CCDC81: variants seen among roughly 807,000 people sequenced by gnomAD.
CCDC81 encodes coiled-coil domain-containing protein 81.
Under a neutral mutation model 83.7 loss-of-function variants are expected in CCDC81, and 79 were observed. The ratio of observed to expected loss-of-function variants is 0.94; its 90% CI spans 0.79 to 1.14. The LOEUF is 1.14. Ranked by LOEUF, CCDC81 falls within the 50% of genes most tolerant of loss-of-function variation. The pLI, the probability that CCDC81 is intolerant of heterozygous loss-of-function variation, is 0.00. For missense variants in CCDC81, 791 were observed against 778.1 expected, an observed-to-expected ratio of 1.02 and a Z score of -0.20; for synonymous variants, 252 against 278.1, an observed-to-expected ratio of 0.91 and a Z score of 0.93.
intron 1 of CCDC81, among the ~76,000 whole-genome samples, chr11:86,384,509 A>T (rs917584375): frequency 5.3e-5 from 8 of 152,190 alleles, no homozygotes; most frequent in African/African-American, 1.9e-4. Context: ...GCTACTTCTC[A>T]TCCACCAAAC....
chr11:86,393,846 A>G (rs1329957174), intron 4 of CCDC81, among the ~76,000 whole-genome samples: 1 of 152,236 alleles, frequency 6.6e-6, no homozygotes, highest in African/African-American at 2.4e-5. Flanking sequence ...GACATGAATG[A>G]ATTGAATTAT....
intron 13 of CCDC81, among the ~76,000 whole-genome samples, chr11:86,416,861 C>A (rs1407065911): frequency 6.6e-6 from 1 of 152,154 alleles, no homozygotes; most frequent in African/African-American, 2.4e-5. Context: ...TCAGGGTGAT[C>A]CAGACAGGAC....
chr11:86,416,782 C>G (rs1948725455), intron 13 of CCDC81, among the ~76,000 whole-genome samples: 1 of 152,190 alleles, frequency 6.6e-6, no homozygotes, highest in African/African-American at 2.4e-5. Context: ...TCTGGTTCAT[C>G]TTAACATGTG....
intron 5 of CCDC81, among the ~76,000 whole-genome samples, chr11:86,396,078 T>A (rs1481431775): frequency 6.6e-6 from 1 of 152,202 alleles, no homozygotes; most frequent in Non-Finnish European, 1.5e-5. Context: ...GCTTCTTCCT[T>A]CAGTTCAGCC....
chr11:86,392,757 C>T lies in CCDC81; in HGVS notation c.515C>T (p.Thr172Ile), dbSNP rs1948351162. ...KMRFYKDFLCTMDGSGALAKA... is the reference protein window; with the variant it reads ...KMRFYKDFLCIMDGSGALAKA... The stretch of plus-strand genomic sequence containing the variant: ...AGGTTTTATAAAGACTTCCTTTGTA[C>T]CATGGATGGAAGTGGGGCTTTGGCA... Residue 172 changes from threonine (T) to isoleucine (I), a missense_variant, in exon 4 of 15, where the codon ACC (threonine) becomes ATC (isoleucine). Transcript: ENST00000445632. The T allele has an allele frequency of 1.9e-6, 3 of 1,551,548 alleles. No individual in the cohort carries two copies. Among genetic ancestry groups the T allele is most frequent in the Admixed American group, 2.0e-5 (1 of 50,994 alleles).
chr11:86,412,834 G>A lies in CCDC81; in HGVS notation c.1391+275G>A, dbSNP rs889967440. Among the ~76,000 whole-genome samples the A allele has an allele frequency of 3.0e-4, 45 of 152,278 alleles. 1 individual carries two copies. Among genetic ancestry groups the A allele is most frequent in the African/African-American group, 9.6e-4 (40 of 41,544 alleles). On this transcript the variant is annotated intron_variant, in intron 11 of 14. Coordinates refer to ENST00000445632, the MANE Select transcript of CCDC81 (RefSeq NM_001156474.2). ...GCAGGCTGTGGGGCTCTGGCCACACGGCAGTATCTAGGGGTGAATGTTTAC... is the reference window on the plus strand; with the variant it reads ...GCAGGCTGTGGGGCTCTGGCCACACAGCAGTATCTAGGGGTGAATGTTTAC...
chr11:86,402,143 A>AAAAG (rs1464393004), intron 7 of CCDC81, among the ~76,000 whole-genome samples: 1 of 151,246 alleles, frequency 6.6e-6, no homozygotes, highest in Non-Finnish European at 1.5e-5. Flanking sequence ...TCAAAAAAAA[A>AAAAG]AAAAAAAAAA....
intron 5 of CCDC81, 64 bp from the exon 6 acceptor site, chr11:86,397,557 G>T: frequency 6.5e-7 from 1 of 1,534,312 alleles, no homozygotes; most frequent in Non-Finnish European, 8.7e-7. Context: ...TCCAAAACTT[G>T]AGAGTTCACA....
chr11:86,380,988 A>AT (rs1342712755), intron 1 of CCDC81, among the ~76,000 whole-genome samples: 1 of 147,666 alleles, frequency 6.8e-6, no homozygotes, highest in Admixed American at 6.9e-5. Flanking sequence ...ATGCCTTGTA[A>AT]TTTTTTCTTG....
intron 5 of CCDC81, 75 bp from the exon 6 acceptor site, chr11:86,397,546 T>A: frequency 1.3e-6 from 2 of 1,524,444 alleles, no homozygotes; most frequent in Non-Finnish European, 1.8e-6. Context: ...GCTGGGTTGC[T>A]TCCAAAACTT....
At chr11:86,411,960 A>G (rs919878803) in intron 10 of CCDC81, among the ~76,000 whole-genome samples, 30 of 152,294 alleles carry the variant, frequency 2.0e-4, no homozygotes, top group Non-Finnish European at 2.8e-4. Context: ...ATTGACCATG[A>G]TTGCTTCCTT....
Position 86,422,812 on chromosome 11 carries a change from AAAT to A in CCDC81, c.*98_*100del. 1.6e-6 allele frequency: 2 copies of A among 1,253,600 alleles called. No individual in the cohort carries two copies. Among genetic ancestry groups the A allele is most frequent in the Non-Finnish European group, 2.2e-6 (2 of 900,774 alleles). The allele number at this position is 1,253,600 out of a possible 1,614,324, so 77.7% of individuals were successfully genotyped here. ...CTGCGTATTTTTACCTCAGAGAAAA[AAAT>A]CATTGTTTAGGTTTGGTGCTTTCAT... On this transcript the variant is annotated 3_prime_UTR_variant, in exon 15 of 15. Coordinates refer to ENST00000445632, the MANE Select transcript of CCDC81 (RefSeq NM_001156474.2).
At chr11:86,415,011 T>C in intron 12 of CCDC81, 82 bp from the exon 13 acceptor site, 1 of 1,486,128 alleles carries the variant, frequency 6.7e-7, no homozygotes, top group Non-Finnish European at 9.3e-7. Flanking sequence ...AAGATGCTGG[T>C]ATTTTACCAC....
At position 86,422,705 on chromosome 11, in the gene CCDC81, T is replaced by A. The variant is rs568472340; in HGVS notation, c.1949T>A (p.Leu650Ter). ...PLNKFLPGSR[L>*]LV ...AACAAGTTCCTGCCTGGCTCCCGGT[T>A]GCTTGTGTAAAACTCAAAGTTTGGC... The change falls in exon 15 of 15, where the codon TTG (leucine) becomes TAG (stop). Residue 650 changes from leucine to a stop codon, truncating the protein, a stop_gained. Transcript: ENST00000445632. LOFTEE classifies it high-confidence loss of function. 1 of 1,613,348 alleles carries A rather than the reference T, an allele frequency of 6.2e-7. No individual in the cohort carries two copies. Among genetic ancestry groups the A allele is most frequent in the East Asian group, 2.2e-5 (1 of 44,862 alleles).
chr11:86,385,472 C>T (rs1487496034), intron 1 of CCDC81, among the ~76,000 whole-genome samples: 1 of 152,124 alleles, frequency 6.6e-6, no homozygotes, highest in Non-Finnish European at 1.5e-5. Context: ...ATGACTGGTC[C>T]AGGAGCCCAC....
chr11:86,422,762 T>C lies in CCDC81; in HGVS notation c.*47T>C. The C allele has an allele frequency of 6.3e-7, 1 of 1,585,392 alleles. No individual in the cohort carries two copies. Among genetic ancestry groups the C allele is most frequent in the Non-Finnish European group, 8.6e-7 (1 of 1,159,378 alleles). On this transcript the variant is annotated 3_prime_UTR_variant, in exon 15 of 15. Coordinates refer to ENST00000445632, the MANE Select transcript of CCDC81 (RefSeq NM_001156474.2). ...TTTCCCGGGGAAAGTTTTTATCTTT[T>C]ACATGTTTGGGGGTGATTGTGAAAC...
In CCDC81 at chr11:86,378,625, T is replaced by G. The variant is rs1452925877; in HGVS notation, c.79+3383T>G. Among the ~76,000 whole-genome samples the G allele has an allele frequency of 5.3e-5, 8 of 152,344 alleles. No individual in the cohort carries two copies. The East Asian group carries it at 1.5e-3, about 29-fold the overall frequency. On this transcript the variant is annotated intron_variant, in intron 1 of 14. Coordinates refer to ENST00000445632, the MANE Select transcript of CCDC81 (RefSeq NM_001156474.2). ...TTATCTCTTCTTGCAGTTCTACTAG[T>G]TTTTGCTTAATGTAATTTGACATAC... is the stretch of plus-strand genomic sequence containing the variant.
Position 86,392,535 on chromosome 11 carries a change from C to T in CCDC81, c.299-6C>T. 1 of 1,549,912 alleles carries T rather than the reference C, an allele frequency of 6.5e-7. No homozygotes were observed. The highest frequency in any genetic ancestry group is 8.7e-7 in the Non-Finnish European group (1 of 1,145,852). Reference sequence around the variant, plus strand: ...TCTCCCACCCCAACTGTCTTTTCTCCTTTAGGTGAAATCCCAATTGTTCCA... The same window carrying T: ...TCTCCCACCCCAACTGTCTTTTCTCTTTTAGGTGAAATCCCAATTGTTCCA... On this transcript the variant is annotated splice_polypyrimidine_tract_variant and splice_region_variant and intron_variant, in intron 3 of 14. Coordinates refer to ENST00000445632, the MANE Select transcript of CCDC81 (RefSeq NM_001156474.2).
At chr11:86,420,937 A>G (rs1021356062) in intron 14 of CCDC81, among the ~76,000 whole-genome samples, 2 of 152,194 alleles carry the variant, frequency 1.3e-5, no homozygotes, top group African/African-American at 4.8e-5. Context: ...TGATTTGGGA[A>G]GGCAGGTAAA....
Sources: allele counts gnomAD v4.1 joint callset (sites outside exome capture counted in the v4.1 genomes callset), GRCh38; gene constraint gnomAD v4.1.1; transcripts MANE v1.5; gene names NCBI Gene and HGNC (gene_info 2026-07-23, HGNC 2026-07-21).